Variants in CAMKMT observed in about 807,000 individuals in gnomAD.
CAMKMT encodes calmodulin-lysine N-methyltransferase, also known as CaM KMT.
In CAMKMT, 53 loss-of-function variants were observed where a neutral mutation model predicts 48.0. The ratio of observed to expected loss-of-function variants is 1.10; its 90% CI spans 0.89 to 1.39. CAMKMT has a LOEUF of 1.39. Among genes scored for constraint, CAMKMT ranks in the 40% most tolerant of loss-of-function variants. CAMKMT has a pLI of 0.00. For missense variants in CAMKMT, 428 were observed against 402.7 expected (o/e 1.06, Z -0.54); for synonymous variants, 165 against 152.3 (o/e 1.08, Z -0.61).
chr2:44,578,102 TCCAGCTGAAGGG>T (rs1669336429), intron 3 of CAMKMT, among the ~76,000 whole-genome samples: 1 of 152,164 alleles, frequency 6.6e-6, no homozygotes, highest in South Asian at 2.1e-4. Context: ...GGTTTCTAGA[TCCAGCTGAAGGG>T]CCCACATGAG....
At chr2:44,768,361 A>ATATATATATATATATATATTTTTT (rs35058824) in intron 10 of CAMKMT, among the ~76,000 whole-genome samples, 6 of 115,726 alleles carry the variant, frequency 5.2e-5, no homozygotes, top group African/African-American at 2.2e-4. Flanking sequence ...ATATATATAT[A>ATATATATATATATATATATTTTTT]TTTTTTTTTT....
At chr2:44,444,161 T>TGATAAAATA (rs1666843344) in intron 3 of CAMKMT, among the ~76,000 whole-genome samples, 1 of 152,186 alleles carries the variant, frequency 6.6e-6, no homozygotes, top group African/African-American at 2.4e-5. Context: ...CTTTAAATAT[T>TGATAAAATA]GATAAAATAC....
intron 3 of CAMKMT, among the ~76,000 whole-genome samples, chr2:44,692,905 G>C (rs943843686): frequency 6.6e-6 from 1 of 152,136 alleles, no homozygotes; most frequent in Admixed American, 6.5e-5. Context: ...CATGAATTCA[G>C]CCTCCTCATT....
chr2:44,639,361 T>C (rs1330547556), intron 3 of CAMKMT, among the ~76,000 whole-genome samples: 1 of 152,204 alleles, frequency 6.6e-6, no homozygotes, highest in Non-Finnish European at 1.5e-5. Context: ...TTATATTCAG[T>C]TCTTATGGAC....
intron 7 of CAMKMT, among the ~76,000 whole-genome samples, chr2:44,732,562 G>A (rs1679136354): frequency 6.6e-6 from 1 of 152,104 alleles, no homozygotes; most frequent in African/African-American, 2.4e-5. Context: ...TTTTCAGAAA[G>A]CATTTTCTGT....
intron 3 of CAMKMT, 97 bp downstream of exon 3, chr2:44,390,402 T>G: frequency 1.2e-6 from 1 of 825,008 alleles, no homozygotes; most frequent in African/African-American, 1.7e-5. Flanking sequence ...TTATACTCAC[T>G]AAATGTATGC....
intron 2 of CAMKMT, among the ~76,000 whole-genome samples, chr2:44,378,387 C>T (rs1446482499): frequency 6.6e-6 from 1 of 152,176 alleles, no homozygotes; most frequent in African/African-American, 2.4e-5. Context: ...ACCCATGAGA[C>T]TGGAAAACAT....
At chr2:44,669,711 C>T (rs977927118) in intron 3 of CAMKMT, among the ~76,000 whole-genome samples, 4 of 152,190 alleles carry the variant, frequency 2.6e-5, no homozygotes, top group Middle Eastern at 3.4e-3. Flanking sequence ...AATCCCGGCT[C>T]ACTGCAGCCT....
chr2:44,439,065 G>A (rs144458690), intron 3 of CAMKMT, among the ~76,000 whole-genome samples: 3 of 152,262 alleles, frequency 2.0e-5, no homozygotes, highest in East Asian at 1.9e-4. Context: ...CAAAGGGACA[G>A]GTACAGAAGA....
rs553870617 is a variant in CAMKMT at position 44,377,628 on chromosome 2, G to T, written c.311+4740G>T. ...ATTTATAAGTGTATACGTGTCTTAG[G>T]TATAGAGAAAGCTGAGAGGCCTGAA... On this transcript the variant is annotated intron_variant, in intron 2 of 10. Coordinates refer to ENST00000378494, the MANE Select transcript of CAMKMT (RefSeq NM_024766.5). Among the ~76,000 whole-genome samples, 3 of 152,226 alleles carry T rather than the reference G, an allele frequency of 2.0e-5. No homozygotes were observed. The East Asian group carries it at 5.8e-4, about 29-fold the overall frequency.
In CAMKMT at chr2:44,466,127, A is replaced by T. The variant is rs530605107; in HGVS notation, c.376+75822A>T. ...TTTTCATAAGGGATAGATCAACTAGACAGAAGATCATAAGGAAACAAAGGA... is the reference window on the plus strand; with the variant it reads ...TTTTCATAAGGGATAGATCAACTAGTCAGAAGATCATAAGGAAACAAAGGA... On this transcript the variant is annotated intron_variant, in intron 3 of 10. Transcript: ENST00000378494. Among the ~76,000 whole-genome samples the T allele has an allele frequency of 3.9e-5, 6 of 152,342 alleles. No individual in the cohort carries two copies. In the South Asian group the frequency reaches 1.2e-3, roughly 32 times the overall value.
intron 2 of CAMKMT, among the ~76,000 whole-genome samples, chr2:44,387,383 C>T (rs1680876605): frequency 6.6e-6 from 1 of 151,574 alleles, no homozygotes; most frequent in African/African-American, 2.4e-5. Flanking sequence ...TTTTCCACCC[C>T]TTTAAGTTAA....
At chr2:44,405,270 A>G (rs553165015) in intron 3 of CAMKMT, among the ~76,000 whole-genome samples, 1 of 152,108 alleles carries the variant, frequency 6.6e-6, no homozygotes, top group East Asian at 1.9e-4. Flanking sequence ...ACTGGAAAGG[A>G]ACATAACTTG....
intron 3 of CAMKMT, among the ~76,000 whole-genome samples, chr2:44,478,096 G>C (rs1273052398): frequency 6.6e-6 from 1 of 152,138 alleles, no homozygotes; most frequent in Admixed American, 6.5e-5. Context: ...CTGTGATTTT[G>C]TGACCAAAGA....
chr2:44,381,475 T>C (rs1680234092), intron 2 of CAMKMT, among the ~76,000 whole-genome samples: 1 of 152,168 alleles, frequency 6.6e-6, no homozygotes, highest in South Asian at 2.1e-4. Flanking sequence ...CTTTTAGCAA[T>C]GTATCTTAAG....
At chr2:44,507,988 G>A (rs947184607) in intron 3 of CAMKMT, among the ~76,000 whole-genome samples, 14 of 152,180 alleles carry the variant, frequency 9.2e-5, no homozygotes, top group African/African-American at 3.4e-4. Context: ...ACTATCTGTG[G>A]TGAAGGACTT....
chr2:44,591,982 A>G (rs1670314184), intron 3 of CAMKMT, among the ~76,000 whole-genome samples: 1 of 151,106 alleles, frequency 6.6e-6, no homozygotes. Context: ...CAAACACCGC[A>G]TATTCTCACT....
At chr2:44,669,693 A>G (rs1675219568) in intron 3 of CAMKMT, among the ~76,000 whole-genome samples, 1 of 151,742 alleles carries the variant, frequency 6.6e-6, no homozygotes, top group South Asian at 2.1e-4. Context: ...GCTGGAGTGC[A>G]GTGGCACAAT....
At chr2:44,765,680 T>C (rs895032322) in intron 9 of CAMKMT, among the ~76,000 whole-genome samples, 2 of 152,178 alleles carry the variant, frequency 1.3e-5, no homozygotes, top group Non-Finnish European at 2.9e-5. Context: ...CTTTATTCAG[T>C]TCCTCCCATT....
Sources: gnomAD v4.1 joint callset for allele counts (sites outside exome capture counted in the v4.1 genomes callset) on GRCh38, gnomAD v4.1.1 for gene constraint, MANE v1.5 for transcripts, NCBI Gene and HGNC (gene_info 2026-07-23, HGNC 2026-07-21) for gene names.